The following C1orf21 variants were observed in gnomAD, a reference collection of about 807,000 sequenced individuals.
C1orf21 encodes chromosome 1 open reading frame 21.
In C1orf21, 3 loss-of-function variants were observed where a neutral mutation model predicts 18.7. The observed-to-expected ratio is 0.16, with a 90% CI of 0.07 to 0.42. The LOEUF (loss-of-function observed/expected upper bound fraction) is 0.42, where lower values mean the gene tolerates loss of function less well. Among genes scored for constraint, C1orf21 ranks in the 10% least tolerant of loss-of-function variants. The pLI is 0.99. For missense variants in C1orf21, 104 were observed against 143.6 expected, an observed-to-expected ratio of 0.72 and a Z score of 1.41; for synonymous variants, 41 against 46.4, an observed-to-expected ratio of 0.88 and a Z score of 0.47.
chr1:184,449,206 C>T (rs192068852), intron 1 of C1orf21, among the ~76,000 whole-genome samples: 1 of 151,460 alleles, frequency 6.6e-6, no homozygotes, highest in African/African-American at 2.4e-5. Context: ...CCCTTCCCCC[C>T]ACCCTACAAC....
intron 3 of C1orf21, among the ~76,000 whole-genome samples, chr1:184,551,867 G>T (rs1658817758): frequency 6.6e-6 from 1 of 151,618 alleles, no homozygotes; most frequent in Non-Finnish European, 1.5e-5. Context: ...AGCCGGGTGT[G>T]GTGGCATGTG....
At chr1:184,454,493 C>T (rs1268683200) in intron 1 of C1orf21, among the ~76,000 whole-genome samples, 1 of 151,998 alleles carries the variant, frequency 6.6e-6, no homozygotes, top group Non-Finnish European at 1.5e-5. Flanking sequence ...GTTCTGTGTC[C>T]CCACCAAATC....
rs541956774 is a variant in C1orf21 at position 184,439,432 on chromosome 1, A to G, written c.-124-37954A>G. Among the ~76,000 whole-genome samples the G allele has an allele frequency of 1.7e-4, 25 of 151,034 alleles. 1 individual carries two copies. The highest frequency in any genetic ancestry group is 2.8e-4 in the Non-Finnish European group (19 of 67,856). ...TAGTATGTGATACTACCCAAGGGCT[A>G]TCTATCTGCAAGGCCCTTGCTCTAC... On this transcript the variant is annotated intron_variant, in intron 1 of 5. Transcript: ENST00000235307.
chr1:184,442,154 A>G (rs1656958262), intron 1 of C1orf21, among the ~76,000 whole-genome samples: 1 of 152,194 alleles, frequency 6.6e-6, no homozygotes, highest in Non-Finnish European at 1.5e-5. Context: ...TCATATGGTA[A>G]TGGTTAAATT....
intron 5 of C1orf21, among the ~76,000 whole-genome samples, chr1:184,618,539 CAT>C (rs1299229084): frequency 1.3e-5 from 2 of 151,846 alleles, no homozygotes; most frequent in African/African-American, 4.8e-5. Context: ...GACCAAAAAA[CAT>C]GTAATACATC....
At position 184,624,966 on chromosome 1, in the gene C1orf21, T is replaced by C. The variant is rs1438556773; in HGVS notation, c.*5410T>C. 1 of 152,184 alleles carries C rather than the reference T, an allele frequency of 6.6e-6. No individual in the cohort carries two copies. Among genetic ancestry groups the C allele is most frequent in the Admixed American group, 6.5e-5 (1 of 15,282 alleles). 9.4% of individuals were successfully genotyped at this position (152,184 alleles called of 1,614,324 possible). A position where few individuals can be genotyped will look rare whatever the true frequency, so the allele number is the denominator to read the frequency against. ...GTCCTTGTGTAAAGGGGCTGTCATA[T>C]CCAGTTTTCCTTTGAAATCTGGCCC... On this transcript the variant is annotated 3_prime_UTR_variant, in exon 6 of 6. Transcript: ENST00000235307.
intron 1 of C1orf21, among the ~76,000 whole-genome samples, chr1:184,389,471 G>C (rs941835362): frequency 6.6e-6 from 1 of 152,098 alleles, no homozygotes; most frequent in South Asian, 2.1e-4. Flanking sequence ...TCCCTCCTCC[G>C]CCCCATCTCA....
intron 1 of C1orf21, among the ~76,000 whole-genome samples, chr1:184,397,648 T>C (rs1042430061): frequency 1.3e-5 from 2 of 152,222 alleles, no homozygotes; most frequent in Non-Finnish European, 2.9e-5. Context: ...TAGCTTATGC[T>C]GCATGCAAAG....
At chr1:184,520,354 G>A (rs1053952835) in intron 3 of C1orf21, among the ~76,000 whole-genome samples, 4 of 152,164 alleles carry the variant, frequency 2.6e-5, no homozygotes, top group Non-Finnish European at 5.9e-5. Context: ...TGCATAAAAT[G>A]AGACAGGAAT....
intron 2 of C1orf21, among the ~76,000 whole-genome samples, chr1:184,486,227 C>T (rs1020396269): frequency 6.6e-6 from 1 of 152,106 alleles, no homozygotes. Context: ...GGTTCCTGGG[C>T]CATGCTGATG....
rs939363110 is a variant in C1orf21, at chr1:184,477,669, C to A, written c.94+66C>A. Reference sequence around the variant, plus strand: ...GGCCTTTCACTTTTTTTTATTGATACATAATATTTGTACATATTTATGGGG... The same window carrying A: ...GGCCTTTCACTTTTTTTTATTGATAAATAATATTTGTACATATTTATGGGG... On this transcript the variant is annotated intron_variant, in intron 2 of 5. Coordinates refer to ENST00000235307, the MANE Select transcript of C1orf21 (RefSeq NM_030806.4). 8.6e-6 allele frequency: 11 copies of A among 1,280,786 alleles called. No homozygotes were observed. The African/African-American group carries it at 1.3e-4, about 16-fold the overall frequency. The allele number at this position is 1,280,786 out of a possible 1,614,324, so 79.3% of individuals were successfully genotyped here.
intron 3 of C1orf21, among the ~76,000 whole-genome samples, chr1:184,587,524 TTGTGTGTGTGTG>T (rs3034486): frequency 0.12 from 16,097 of 139,626 alleles, 1,194 homozygotes; most frequent in African/African-American, 0.2. Flanking sequence ...TTCCTAGGAA[TTGTGTGTGTGTG>T]TGTGTGTGTG....
chr1:184,543,181 A>G (rs1329181360), intron 3 of C1orf21, among the ~76,000 whole-genome samples: 1 of 152,140 alleles, frequency 6.6e-6, no homozygotes, highest in Non-Finnish European at 1.5e-5. Context: ...CACCTTCTTC[A>G]CAAAAAAATT....
At chr1:184,579,703 G>T (rs970695093) in intron 3 of C1orf21, among the ~76,000 whole-genome samples, 1 of 151,712 alleles carries the variant, frequency 6.6e-6, no homozygotes, top group Admixed American at 6.6e-5. Context: ...CAGAGACGGG[G>T]TTTCACCATG....
chr1:184,556,952 C>T (rs866933318), intron 3 of C1orf21, among the ~76,000 whole-genome samples: 2 of 152,370 alleles, frequency 1.3e-5, no homozygotes, highest in South Asian at 2.1e-4. Flanking sequence ...TCCCCTCCCA[C>T]TCTGTTCCCA....
At chr1:184,437,181 T>C (rs889675176) in intron 1 of C1orf21, among the ~76,000 whole-genome samples, 22 of 152,134 alleles carry the variant, frequency 1.4e-4, no homozygotes, top group African/African-American at 5.3e-4. Context: ...GCTCCCTCTC[T>C]CTGTCTCCCT....
At chr1:184,427,086 T>G (rs1006282455) in intron 1 of C1orf21, among the ~76,000 whole-genome samples, 8 of 152,182 alleles carry the variant, frequency 5.3e-5, no homozygotes, top group African/African-American at 1.9e-4. Flanking sequence ...TTTACCATTT[T>G]ATTCACCAGA....
At chr1:184,525,708 A>G (rs1029630705) in intron 3 of C1orf21, among the ~76,000 whole-genome samples, 9 of 152,180 alleles carry the variant, frequency 5.9e-5, no homozygotes, top group Admixed American at 6.5e-5. Context: ...AGTGAAAGGT[A>G]TTACTTTACA....
chr1:184,627,792 C>T lies in C1orf21; in HGVS notation c.*8236C>T, dbSNP rs1044435281. ...CCCATTTAAAAACTAGAGCCCCTGG[C>T]AGGTCCCCTTAGGGCCATGTGTTCA... On this transcript the variant is annotated 3_prime_UTR_variant, in exon 6 of 6. Transcript: ENST00000235307. 6.6e-6 allele frequency: 1 copy of T among 152,202 alleles called. No homozygotes were observed. The highest frequency in any genetic ancestry group is 1.5e-5 in the Non-Finnish European group (1 of 68,042). The allele number at this position is 152,202 out of a possible 1,614,324, so 9.4% of individuals were successfully genotyped here. A position where few individuals can be genotyped will look rare whatever the true frequency, so the allele number is the denominator to read the frequency against.
Sources: allele counts gnomAD v4.1 joint callset (sites outside exome capture counted in the v4.1 genomes callset), GRCh38; gene constraint gnomAD v4.1.1; transcripts MANE v1.5; gene names NCBI Gene and HGNC (gene_info 2026-07-23, HGNC 2026-07-21).